Variants in HRH1 observed in about 807,000 individuals in gnomAD.
The protein encoded by HRH1 is histamine receptor H1.
In HRH1, 6 loss-of-function variants were observed where a neutral mutation model predicts 10.3. The observed-to-expected ratio is 0.58, with a 90% CI of 0.32 to 1.15. The LOEUF is 1.15. Ranked by LOEUF, HRH1 falls within the 50% of genes most tolerant of loss-of-function variation. The probability of loss-of-function intolerance (pLI) is 0.05; values close to 1 mark genes in which losing one functional copy is unlikely to be tolerated. For missense variants in HRH1, 514 were observed against 615.3 expected (o/e 0.84, Z 1.74); for synonymous variants, 242 against 236.7 (o/e 1.02, Z -0.21).
In HRH1 at chr3:11,154,984, C is replaced by G. The variant is rs1369860019; in HGVS notation, c.-36+430C>G. Among the ~76,000 whole-genome samples the G allele has an allele frequency of 1.3e-5, 2 of 152,200 alleles. No homozygotes were observed. The highest frequency in any genetic ancestry group is 6.5e-5 in the Admixed American group (1 of 15,286). On this transcript the variant is annotated intron_variant, in intron 1 of 1. Coordinates refer to ENST00000431010, the MANE Select transcript of HRH1 (RefSeq NM_001098212.2). The surrounding 1 kb of genome is among the most constrained non-coding windows in gnomAD (Gnocchi z 4.4). ...GTGCCAGGCTTTGGGCATCCATTAT[C>G]TGTTGCAATATTGTTATACTCATTT... is the stretch of plus-strand genomic sequence containing the variant.
At chr3:11,225,778 C>T (rs1175035887) in intron 1 of HRH1, among the ~76,000 whole-genome samples, 2 of 152,208 alleles carry the variant, frequency 1.3e-5, no homozygotes, top group East Asian at 1.9e-4. Flanking sequence ...CTCTGCCTCC[C>T]GGGTTCAGGC....
intron 1 of HRH1, among the ~76,000 whole-genome samples, chr3:11,210,682 A>C (rs757267362): frequency 5.9e-5 from 9 of 151,986 alleles, no homozygotes; most frequent in Non-Finnish European, 1.0e-4. Context: ...AGTCCCAGCT[A>C]CCGGGGAGGC....
intron 1 of HRH1, among the ~76,000 whole-genome samples, chr3:11,175,095 A>G (rs6769633): frequency 0.15 from 23,191 of 152,116 alleles, 3,360 homozygotes; most frequent in African/African-American, 0.38. Context: ...GCAAGGCTGG[A>G]GTTGGGATAC....
chr3:11,188,942 A>T (rs2125020460), intron 1 of HRH1, among the ~76,000 whole-genome samples: 1 of 152,358 alleles, frequency 6.6e-6, no homozygotes, highest in East Asian at 1.9e-4. Context: ...CAGGAGTATC[A>T]TTAGACTTAA....
rs562431855 is a variant in HRH1, at chr3:11,188,487, G to A, written c.-36+33933G>A. ...CGAGAATTACTTGAACCCAGGAAGT[G>A]GAGGCAGCAGTGAGCTGAGATTGCG... is the stretch of plus-strand genomic sequence containing the variant. On this transcript the variant is annotated intron_variant, in intron 1 of 1. Coordinates refer to ENST00000431010, the MANE Select transcript of HRH1 (RefSeq NM_001098212.2). Among the ~76,000 whole-genome samples, 81 of 152,288 alleles carry A rather than the reference G, an allele frequency of 5.3e-4. 2 individuals carry two copies. The South Asian group carries it at 0.016, about 30-fold the overall frequency.
At chr3:11,196,150 C>T (rs771067634) in intron 1 of HRH1, among the ~76,000 whole-genome samples, 4 of 152,194 alleles carry the variant, frequency 2.6e-5, no homozygotes, top group Non-Finnish European at 5.9e-5. Context: ...TGTTCTTAGG[C>T]TGGAGGCAGA....
At chr3:11,144,434 G>T (rs539688791) in intron 1 of HRH1, among the ~76,000 whole-genome samples, 2 of 150,616 alleles carry the variant, frequency 1.3e-5, no homozygotes, top group Admixed American at 6.6e-5. Flanking sequence ...TATACATATA[G>T]ACATATAGAC....
chr3:11,226,164 C>T (rs1376175738), intron 1 of HRH1: 5 of 151,470 alleles, frequency 3.3e-5, no homozygotes, highest in East Asian at 1.9e-4. Flanking sequence ...TGTGATGGGT[C>T]GAAGGTATTG....
chr3:11,260,099 T>C lies in HRH1; in HGVS notation c.1062T>C (p.Asp354=). ...TATCAGAGGATCAGATGTTAGGTGATAGCCAATCCTTCTCTCGAACGGACT... is the reference window on the plus strand; with the variant it reads ...TATCAGAGGATCAGATGTTAGGTGACAGCCAATCCTTCTCTCGAACGGACT... ...SEISEDQMLG[D]SQSFSRTDSD... The change falls in exon 2 of 2, where the codon GAT becomes GAC. Residue 354 remains aspartate, a synonymous_variant. Coordinates refer to ENST00000431010, the MANE Select transcript of HRH1 (RefSeq NM_001098212.2). The C allele has an allele frequency of 1.2e-6, 2 of 1,613,954 alleles. No individual in the cohort carries two copies. The highest frequency in any genetic ancestry group is 1.7e-6 in the Non-Finnish European group (2 of 1,179,986).
chr3:11,137,630 T>C (rs761218800), intron 1 of HRH1, among the ~76,000 whole-genome samples: 1 of 152,082 alleles, frequency 6.6e-6, no homozygotes, highest in Non-Finnish European at 1.5e-5. Flanking sequence ...GCTGATTGGA[T>C]GGTGGAGTGA....
chr3:11,169,676 C>G (rs1937115720), intron 1 of HRH1, among the ~76,000 whole-genome samples: 1 of 152,164 alleles, frequency 6.6e-6, no homozygotes, highest in South Asian at 2.1e-4. Flanking sequence ...TCTCTCTGCA[C>G]TCTTCAAGAG....
intron 1 of HRH1, among the ~76,000 whole-genome samples, chr3:11,257,375 G>T (rs1428460184): frequency 6.6e-6 from 1 of 151,792 alleles, no homozygotes; most frequent in Non-Finnish European, 1.5e-5. Flanking sequence ...GACCAACATG[G>T]TGAAACCCCG....
intron 1 of HRH1, among the ~76,000 whole-genome samples, chr3:11,188,434 C>A (rs1046480931): frequency 2.0e-5 from 3 of 152,064 alleles, no homozygotes; most frequent in African/African-American, 7.2e-5. Flanking sequence ...CAACCCCAGG[C>A]ATGGTGGCAC....
chr3:11,151,518 G>A (rs977100677), upstream of HRH1, among the ~76,000 whole-genome samples: 1 of 150,924 alleles, frequency 6.6e-6, no homozygotes, highest in Non-Finnish European at 1.5e-5. Flanking sequence ...GTGGTGGTGG[G>A]TACAGGGTCT....
At chr3:11,242,221 C>A (rs1575037692) in intron 1 of HRH1, among the ~76,000 whole-genome samples, 1 of 152,180 alleles carries the variant, frequency 6.6e-6, no homozygotes, top group South Asian at 2.1e-4. Flanking sequence ...GTGGCTCATG[C>A]CTGTAATCCC....
chr3:11,204,124 C>A (rs1284182014), intron 1 of HRH1, among the ~76,000 whole-genome samples: 27 of 152,116 alleles, frequency 1.8e-4, no homozygotes, highest in Admixed American at 1.7e-3. Context: ...GAGATTATGG[C>A]TCCCACTTGA....
chr3:11,242,177 C>A (rs776913584), intron 1 of HRH1, among the ~76,000 whole-genome samples: 11 of 151,956 alleles, frequency 7.2e-5, no homozygotes, highest in Non-Finnish European at 1.5e-4. Flanking sequence ...GGGTCCTTGC[C>A]ATCTTTAAGA....
chr3:11,183,653 CCTT>C (rs1174361319), intron 1 of HRH1, among the ~76,000 whole-genome samples: 1 of 152,100 alleles, frequency 6.6e-6, no homozygotes, highest in Non-Finnish European at 1.5e-5. Flanking sequence ...CTAAGGAAGA[CCTT>C]CTTTCCTTGA....
intron 1 of HRH1, among the ~76,000 whole-genome samples, chr3:11,231,136 A>T (rs1167146263): frequency 6.6e-6 from 1 of 152,178 alleles, no homozygotes; most frequent in Non-Finnish European, 1.5e-5. Context: ...CACTTCACAT[A>T]ATTCTCTGGA....
Sources: allele counts gnomAD v4.1 joint callset (sites outside exome capture counted in the v4.1 genomes callset), GRCh38; gene constraint gnomAD v4.1.1; non-coding constraint Gnocchi (gnomAD v3.1); transcripts MANE v1.5; gene names NCBI Gene and HGNC (gene_info 2026-07-23, HGNC 2026-07-21).